EXTL3: variants seen among roughly 807,000 people sequenced by gnomAD.
EXTL3 encodes exostosin-like 3.
EXTL3 carries 27 observed loss-of-function variants against 69.3 expected under a neutral mutation model. The ratio of observed to expected loss-of-function variants is 0.39; its 90% confidence interval spans 0.29 to 0.54. EXTL3 has a LOEUF of 0.54. EXTL3 is among the 20% of genes least tolerant of loss of function. The probability of loss-of-function intolerance (pLI) is 0.69; values close to 1 mark genes in which losing one functional copy is unlikely to be tolerated. For synonymous variants in EXTL3, 511 were observed against 499.4 expected (o/e 1.02, Z -0.31); for missense variants, 1,003 against 1,231.8 (o/e 0.81, Z 2.78).
rs1275986983 is a variant in EXTL3, at chr8:28,750,597, T to A, written c.2551-60T>A. 1.3e-5 allele frequency: 18 copies of A among 1,396,720 alleles called. No homozygotes were observed. The highest frequency in any genetic ancestry group is 1.7e-5 in the Non-Finnish European group (17 of 984,480). 86.5% of individuals were successfully genotyped at this position (1,396,720 alleles called of 1,614,324 possible). A position where few individuals can be genotyped will look rare whatever the true frequency, so the allele number is the denominator to read the frequency against. ...CATGGGAGTGTGGGATCGGCTCAGC[T>A]GCAAGGGTTCTGTCAGTATTAGCTG... On this transcript the variant is annotated intron_variant, in intron 6 of 6. Coordinates refer to ENST00000220562, the MANE Select transcript of EXTL3 (RefSeq NM_001440.4). This position sits in a 1 kb window ranked among gnomAD's most constrained non-coding sequence, Gnocchi z 5.2.
intron 4 of EXTL3, among the ~76,000 whole-genome samples, chr8:28,735,876 G>C (rs779216888): frequency 2.6e-5 from 4 of 152,194 alleles, no homozygotes; most frequent in African/African-American, 9.7e-5. Flanking sequence ...CCAGAGCAGC[G>C]TTATTCGTAA....
At chr8:28,621,390 A>C (rs1266713088), upstream of EXTL3, among the ~76,000 whole-genome samples, 1 of 152,180 alleles carries the variant, frequency 6.6e-6, no homozygotes, top group Non-Finnish European at 1.5e-5. Context: ...ATCTTTCCTC[A>C]CAGTCATCAG....
Position 28,716,514 on chromosome 8 carries a change from A to G in EXTL3, c.455A>G (p.Lys152Arg). Residue 152 changes from lysine to arginine, a missense_variant, in exon 3 of 7, where the codon AAG becomes AGG. Around this residue, in one of 2 missense-constraint regions of EXTL3, gnomAD observed 742 missense variants for 815.4 expected, o/e 0.91. Transcript: ENST00000220562. This position sits in a 1 kb window ranked among gnomAD's most constrained non-coding sequence, Gnocchi z 7.1. ...GAGCTCATGGCCCAGAACCAGCCCA[A>G]GCTGTCCCTGCCCATCCGACTGCTC... ...YKELMAQNQP[K>R]LSLPIRLLPE... 6.2e-7 allele frequency: 1 copy of G among 1,614,058 alleles called. No homozygotes were observed. Among genetic ancestry groups the G allele is most frequent in the Non-Finnish European group, 8.5e-7 (1 of 1,180,026 alleles).
intron 6 of EXTL3, among the ~76,000 whole-genome samples, chr8:28,745,941 CTT>C (rs1333392809): frequency 6.6e-6 from 1 of 152,166 alleles, no homozygotes; most frequent in African/African-American, 2.4e-5. Context: ...ATTGGGATGA[CTT>C]TTCAAATTCA....
chr8:28,743,501 C>T (rs1801821647), intron 6 of EXTL3, among the ~76,000 whole-genome samples: 2 of 152,180 alleles, frequency 1.3e-5, no homozygotes, highest in Admixed American at 1.3e-4. Context: ...GCATTTTCTT[C>T]AGTTATGAAA....
At chr8:28,714,514 A>T (rs1467808310) in intron 2 of EXTL3, among the ~76,000 whole-genome samples, 2 of 152,178 alleles carry the variant, frequency 1.3e-5, no homozygotes, top group Non-Finnish European at 2.9e-5. Flanking sequence ...TCTTAGGGTA[A>T]GGGAAGTTCC....
chr8:28,617,980 G>A (rs1806349481), upstream of EXTL3, among the ~76,000 whole-genome samples: 1 of 152,176 alleles, frequency 6.6e-6, no homozygotes, highest in Admixed American at 6.6e-5. Context: ...GCTCACTGGG[G>A]TCTAAGGGGA....
intron 1 of EXTL3, among the ~76,000 whole-genome samples, chr8:28,708,727 A>T (rs1800971669): frequency 6.6e-6 from 1 of 152,198 alleles, no homozygotes; most frequent in South Asian, 2.1e-4. Flanking sequence ...TGACAGCAGC[A>T]TGCAGACAGC....
At chr8:28,730,548 C>T (rs565402103) in intron 3 of EXTL3, among the ~76,000 whole-genome samples, 17 of 152,162 alleles carry the variant, frequency 1.1e-4, no homozygotes, top group Non-Finnish European at 2.1e-4. Context: ...ATTTGAAGCA[C>T]CAGTTTCTGT....
At chr8:28,616,235 G>C (rs1358794878) in intron 2 of EXTL3, among the ~76,000 whole-genome samples, 2 of 152,076 alleles carry the variant, frequency 1.3e-5, no homozygotes, top group Non-Finnish European at 2.9e-5. Context: ...ATACTTTTCG[G>C]TGGAGGGAAA....
At position 28,750,497 on chromosome 8, in the gene EXTL3, C is replaced by T. The variant is rs1019181609; in HGVS notation, c.2551-160C>T. Among the ~76,000 whole-genome samples, 4 of 152,190 alleles carry T rather than the reference C, an allele frequency of 2.6e-5. No homozygotes were observed. Among genetic ancestry groups the T allele is most frequent in the African/African-American group, 9.7e-5 (4 of 41,450 alleles). On this transcript the variant is annotated intron_variant, in intron 6 of 6. Coordinates refer to ENST00000220562, the MANE Select transcript of EXTL3 (RefSeq NM_001440.4). This position sits in a 1 kb window ranked among gnomAD's most constrained non-coding sequence, Gnocchi z 5.2. ...TGGAGACATCTGGTAGGCAGGAGGC[C>T]TGGGGCCGGGCTCTGGTTCCTGCCA...
chr8:28,711,479 A>G (rs1801030241), intron 1 of EXTL3, among the ~76,000 whole-genome samples: 1 of 152,014 alleles, frequency 6.6e-6, no homozygotes, highest in African/African-American at 2.4e-5. Flanking sequence ...TCCATCTATA[A>G]TATCTTACTT....
intron 1 of EXTL3, among the ~76,000 whole-genome samples, chr8:28,654,368 TG>T (rs1806972604): frequency 2.6e-5 from 4 of 152,176 alleles, no homozygotes; most frequent in Admixed American, 6.5e-5. Context: ...TCTTTTTGTT[TG>T]TTTGTTTGTT....
At chr8:28,613,300 C>T (rs1357120394) in intron 2 of EXTL3, among the ~76,000 whole-genome samples, 5 of 152,068 alleles carry the variant, frequency 3.3e-5, no homozygotes, top group African/African-American at 7.2e-5. Context: ...TCTCCTGCCT[C>T]GGCCTCCTGA....
intron 2 of EXTL3, among the ~76,000 whole-genome samples, chr8:28,614,774 T>A (rs1272845608): frequency 2.6e-5 from 4 of 152,248 alleles, no homozygotes; most frequent in Non-Finnish European, 5.9e-5. Flanking sequence ...CAATTTTTCT[T>A]GAGACTTCTT....
intron 1 of EXTL3, among the ~76,000 whole-genome samples, chr8:28,657,294 T>C (rs964864671): frequency 6.6e-6 from 1 of 152,124 alleles, no homozygotes; most frequent in Non-Finnish European, 1.5e-5. Flanking sequence ...AATTGCTGGA[T>C]AGAGAGTTTT....
At chr8:28,675,884 C>T (rs1007347975) in intron 1 of EXTL3, among the ~76,000 whole-genome samples, 35 of 151,736 alleles carry the variant, frequency 2.3e-4, no homozygotes, top group East Asian at 1.9e-3. Flanking sequence ...TAGCTGGGTG[C>T]GGTGGTGCAC....
intron 1 of EXTL3, among the ~76,000 whole-genome samples, chr8:28,647,016 T>C (rs2130595506): frequency 6.6e-6 from 1 of 152,236 alleles, no homozygotes; most frequent in Admixed American, 6.5e-5. Flanking sequence ...TCTCTGTTCT[T>C]GTGAGGCTTA....
intron 6 of EXTL3, among the ~76,000 whole-genome samples, chr8:28,746,064 A>G (rs897404171): frequency 2.6e-5 from 4 of 152,172 alleles, no homozygotes; most frequent in Non-Finnish European, 4.4e-5. Context: ...TTATTTACCT[A>G]ATTTTAATGG....
Sources: allele counts gnomAD v4.1 joint callset (sites outside exome capture counted in the v4.1 genomes callset), GRCh38; gene constraint gnomAD v4.1.1; regional missense constraint gnomAD v4.1.1; non-coding constraint Gnocchi (gnomAD v3.1); transcripts MANE v1.5; gene names NCBI Gene and HGNC (gene_info 2026-07-23, HGNC 2026-07-21).